TRIP13: variants seen among roughly 807,000 people sequenced by gnomAD.
TRIP13 encodes pachytene checkpoint protein 2 homolog.
TRIP13 carries 25 observed loss-of-function variants against 54.4 expected under a neutral mutation model. That is an observed-to-expected ratio of 0.46 (90% CI 0.33 to 0.64). The LOEUF (loss-of-function observed/expected upper bound fraction) is 0.64, where lower values mean the gene tolerates loss of function less well. TRIP13 is among the 30% of genes least tolerant of loss of function. The pLI, the probability that TRIP13 is intolerant of heterozygous loss-of-function variation, is 0.02. For missense variants in TRIP13, 373 were observed against 534.2 expected (o/e 0.70, Z 2.97); for synonymous variants, 207 against 207.8 (o/e 1.00, Z 0.03).
At position 911,921 on chromosome 5, in the gene TRIP13, C is replaced by T. The variant is rs1201402853; in HGVS notation, c.945C>T (p.Ile315=). ...IDVAFVDRAD[I]KQYIGPPSAA... ...TGGCCTTCGTGGACAGGGCTGACAT[C>T]AAGCAGTACATTGGGCCACCCTCTG... Residue 315 remains isoleucine, a synonymous_variant, in exon 10 of 13, where the codon ATC becomes ATT. Transcript: ENST00000166345. The surrounding 1 kb of genome is among the most constrained non-coding windows in gnomAD (Gnocchi z 4.7). The T allele has an allele frequency of 6.2e-7, 1 of 1,613,796 alleles. No individual in the cohort carries two copies. The highest frequency in any genetic ancestry group is 1.1e-5 in the South Asian group (1 of 91,034).
rs1359359988 is a variant in TRIP13, at chr5:913,599, G to T, written c.1021-866G>T. On this transcript the variant is annotated intron_variant, in intron 10 of 12. Coordinates refer to ENST00000166345, the MANE Select transcript of TRIP13 (RefSeq NM_004237.4). The surrounding 1 kb of genome is among the most constrained non-coding windows in gnomAD (Gnocchi z 4.5). ...TCAAACTCCTGACCTCAAGTGATCC[G>T]CCCACCTCAGCCTTCCAAAGTGCTG... Among the ~76,000 whole-genome samples, 1 of 152,072 alleles carries T rather than the reference G, an allele frequency of 6.6e-6. No individual in the cohort carries two copies. Among genetic ancestry groups the T allele is most frequent in the Non-Finnish European group, 1.5e-5 (1 of 67,992 alleles).
In TRIP13 at chr5:908,624, T is replaced by G. The variant is rs1359407780; in HGVS notation, c.866+163T>G. ...CCTTTTCCACATTGGAAGCAGCATA[T>G]CACAAATGCTTTTTAAAGAAATTGT... On this transcript the variant is annotated intron_variant, in intron 9 of 12. Transcript: ENST00000166345. This position sits in a 1 kb window ranked among gnomAD's most constrained non-coding sequence, Gnocchi z 5.2. 2.1e-6 allele frequency: 3 copies of G among 1,446,990 alleles called. No individual in the cohort carries two copies. In the African/African-American group the frequency reaches 4.3e-5, roughly 21 times the overall value. 89.6% of individuals were successfully genotyped at this position (1,446,990 alleles called of 1,614,324 possible).
chr5:907,001 C>A lies in TRIP13; in HGVS notation c.609-129C>A. The A allele has an allele frequency of 4.2e-6, 3 of 718,520 alleles. No individual in the cohort carries two copies. Among genetic ancestry groups the A allele is most frequent in the East Asian group, 2.6e-5 (1 of 38,476 alleles). 44.5% of individuals were successfully genotyped at this position (718,520 alleles called of 1,614,324 possible). A position where few individuals can be genotyped will look rare whatever the true frequency, so the allele number is the denominator to read the frequency against. ...ACACGGAGGGCTGGATTCCTCAATT[C>A]TTTGTCAGTAATTGTAATTCCCCCG... On this transcript the variant is annotated intron_variant, in intron 6 of 12. Transcript: ENST00000166345. The surrounding 1 kb of genome is among the most constrained non-coding windows in gnomAD (Gnocchi z 4.1).
Position 915,870 on chromosome 5 carries a change from AT to A in TRIP13, c.1134-32del. On this transcript the variant is annotated intron_variant, in intron 11 of 12. Transcript: ENST00000166345. This position sits in a 1 kb window ranked among gnomAD's most constrained non-coding sequence, Gnocchi z 4.2. ...AGTCCTGAAACGTGTGATTGTATAA[AT>A]TGCTGTCTCTGAACTGGGTTTTCTT... 6.2e-7 allele frequency: 1 copy of A among 1,612,140 alleles called. No homozygotes were observed.
Position 900,755 on chromosome 5 carries a change from A to T in TRIP13, c.444+206A>T, listed in dbSNP as rs1005153076. ...AGGAGCTCCCTGAGGGAGAAGAGGG[A>T]AAGGGAGAACGTGAAGGCAACTTAG... On this transcript the variant is annotated intron_variant, in intron 4 of 12. Transcript: ENST00000166345. 9.2e-5 allele frequency among the ~76,000 whole-genome samples: 14 copies of T among 152,142 alleles called. No homozygotes were observed. Among genetic ancestry groups the T allele is most frequent in the Non-Finnish European group, 1.6e-4 (11 of 68,036 alleles).
Position 907,933 on chromosome 5 carries a change from G to A in TRIP13, c.673-55G>A. 1.9e-6 allele frequency: 3 copies of A among 1,578,304 alleles called. No homozygotes were observed. Among genetic ancestry groups the A allele is most frequent in the Non-Finnish European group, 2.6e-6 (3 of 1,147,524 alleles). On this transcript the variant is annotated intron_variant, in intron 7 of 12. Transcript: ENST00000166345. This position sits in a 1 kb window ranked among gnomAD's most constrained non-coding sequence, Gnocchi z 4.1. ...GCAGGCCACATCAGGGTCCCCCTGTGCACCTGGCAGTGTGGTCCCTGCACG... is the reference window on the plus strand; with the variant it reads ...GCAGGCCACATCAGGGTCCCCCTGTACACCTGGCAGTGTGGTCCCTGCACG...
At chr5:914,667 G>A in intron 11 of TRIP13, 90 bp downstream of exon 11, 1 of 1,033,872 alleles carries the variant, frequency 9.7e-7, no homozygotes, top group Non-Finnish European at 1.5e-6. Context: ...GACCAGGGAG[G>A]GCCCTGGGTG....
chr5:910,797 C>T (rs1754214782), intron 9 of TRIP13, among the ~76,000 whole-genome samples: 1 of 152,252 alleles, frequency 6.6e-6, no homozygotes, highest in South Asian at 2.1e-4. Flanking sequence ...GCCCTTCCTG[C>T]AGCCCCACCC....
chr5:907,138 A>G lies in TRIP13; in HGVS notation c.617A>G (p.Tyr206Cys), dbSNP rs1288685670. ...LTIRLSSRYR[Y>C]GQLIEINSHS... Reference sequence around the variant, plus strand: ...CCTTTTTTCTATCTCAGGTACCGATATGGCCAATTAATTGAAATAAACAGC... The same window carrying G: ...CCTTTTTTCTATCTCAGGTACCGATGTGGCCAATTAATTGAAATAAACAGC... The change falls in exon 7 of 13, where the codon TAT becomes TGT. Residue 206 changes from tyrosine (Y) to cysteine (C), a missense_variant. Physicochemically the swap from Tyr to Cys is radical, Grantham distance 194. Around this residue, in one of 4 missense-constraint regions of TRIP13, gnomAD observed 119 missense variants for 223.0 expected, o/e 0.53. Transcript: ENST00000166345. The surrounding 1 kb of genome is among the most constrained non-coding windows in gnomAD (Gnocchi z 4.1). The G allele has an allele frequency of 6.8e-6, 11 of 1,614,042 alleles. No individual in the cohort carries two copies. The highest frequency in any genetic ancestry group is 9.3e-6 in the Non-Finnish European group (11 of 1,179,900).
chr5:900,385 C>T, intron 3 of TRIP13, 109 bp from the exon 4 acceptor site: 1 of 1,059,790 alleles, frequency 9.4e-7, no homozygotes. Flanking sequence ...ATAGTCTTGC[C>T]TGGAGCAGCA....
At position 893,078 on chromosome 5, in the gene TRIP13, A is replaced by G. The variant is rs1355304253; in HGVS notation, c.80A>G (p.Gln27Arg). 1 of 1,595,228 alleles carries G rather than the reference A, an allele frequency of 6.3e-7. No homozygotes were observed. Among genetic ancestry groups the G allele is most frequent in the South Asian group, 1.1e-5 (1 of 88,550 alleles). The stretch of plus-strand genomic sequence containing the variant: ...CCAACGGTCCACGTGGAGGTGCATC[A>G]GCGCGGCAGCAGGTGAGCCGGACCT... ...ESPTVHVEVHQRGSSTAKKED... is the reference protein window; with the variant it reads ...ESPTVHVEVHRRGSSTAKKED... The change falls in exon 1 of 13, where the codon CAG (glutamine) becomes CGG (arginine). Residue 27 changes from glutamine to arginine, a missense_variant. This residue lies in a region of TRIP13 where 151 missense variants were observed against 151.9 expected (regional missense o/e 0.99). Coordinates refer to ENST00000166345, the MANE Select transcript of TRIP13 (RefSeq NM_004237.4).
chr5:896,458 C>T (rs1226281831), intron 2 of TRIP13, among the ~76,000 whole-genome samples: 3 of 151,978 alleles, frequency 2.0e-5, no homozygotes, highest in Non-Finnish European at 4.4e-5. Flanking sequence ...AATGTAGGGC[C>T]CAAAGAGCAA....
chr5:914,720 CGT>C lies in TRIP13; in HGVS notation c.1133+163_1133+164del, dbSNP rs60208703. 0.085 allele frequency: 46,477 copies of C among 546,646 alleles called. 248 individuals are homozygous for C. The highest frequency in any genetic ancestry group is 0.1 in the Non-Finnish European group (30,283 of 300,582). The allele number at this position is 546,646 out of a possible 1,614,324, so 33.9% of individuals were successfully genotyped here. ...ATAGGTATGAACATGCATGTACACA[CGT>C]GTGTGTGTGTGTGTGTGTGCATGTG... On this transcript the variant is annotated intron_variant, in intron 11 of 12. Transcript: ENST00000166345.
chr5:910,621 GA>G (rs1754211019), intron 9 of TRIP13, among the ~76,000 whole-genome samples: 1 of 152,154 alleles, frequency 6.6e-6, no homozygotes, highest in Admixed American at 6.5e-5. Context: ...TGTGGCTCAG[GA>G]AGAAACAAGG....
chr5:900,356 C>A, intron 3 of TRIP13, 138 bp from the exon 4 acceptor site: 1 of 816,162 alleles, frequency 1.2e-6, no homozygotes. Context: ...AGAATTTATA[C>A]TTTCCTGTAA....
intron 12 of TRIP13, among the ~76,000 whole-genome samples, chr5:916,545 G>C (rs969280630): frequency 2.0e-5 from 3 of 152,244 alleles, no homozygotes; most frequent in African/African-American, 7.2e-5. Context: ...CCTCTGTGCT[G>C]GACACAGTGC....
intron 6 of TRIP13, among the ~76,000 whole-genome samples, chr5:906,907 C>T (rs991080240): frequency 2.0e-5 from 3 of 152,170 alleles, no homozygotes; most frequent in African/African-American, 7.2e-5. Context: ...AGTTTTTACT[C>T]TTTAACTCAA....
rs1754284652 is a variant in TRIP13 at position 913,603 on chromosome 5, A to G, written c.1021-862A>G. Among the ~76,000 whole-genome samples, 1 of 152,124 alleles carries G rather than the reference A, an allele frequency of 6.6e-6. No individual in the cohort carries two copies. Among genetic ancestry groups the G allele is most frequent in the Admixed American group, 6.5e-5 (1 of 15,268 alleles). ...ACTCCTGACCTCAAGTGATCCGCCC[A>G]CCTCAGCCTTCCAAAGTGCTGAGGT... On this transcript the variant is annotated intron_variant, in intron 10 of 12. Transcript: ENST00000166345. This position sits in a 1 kb window ranked among gnomAD's most constrained non-coding sequence, Gnocchi z 4.5.
At position 913,678 on chromosome 5, in the gene TRIP13, G is replaced by A. The variant is rs1407638815; in HGVS notation, c.1021-787G>A. On this transcript the variant is annotated intron_variant, in intron 10 of 12. Coordinates refer to ENST00000166345, the MANE Select transcript of TRIP13 (RefSeq NM_004237.4). The surrounding 1 kb of genome is among the most constrained non-coding windows in gnomAD (Gnocchi z 4.5). ...GTGATAGGGGTAGTTTCTTATTTTA[G>A]GCAGTTTATATGAAATTAAGACATG... Among the ~76,000 whole-genome samples, 1 of 152,072 alleles carries A rather than the reference G, an allele frequency of 6.6e-6. No homozygotes were observed. The highest frequency in any genetic ancestry group is 1.5e-5 in the Non-Finnish European group (1 of 68,014).
Sources: allele counts gnomAD v4.1 joint callset (sites outside exome capture counted in the v4.1 genomes callset), GRCh38; gene constraint gnomAD v4.1.1; regional missense constraint gnomAD v4.1.1; non-coding constraint Gnocchi (gnomAD v3.1); transcripts MANE v1.5; gene names NCBI Gene and HGNC (gene_info 2026-07-23, HGNC 2026-07-21).